REXO1: variants seen among roughly 807,000 people sequenced by gnomAD.
REXO1 encodes REX1, RNA exonuclease 1 homolog.
A neutral mutation model predicts 102.6 loss-of-function variants in REXO1; 42 were observed. The observed-to-expected ratio is 0.41, with a 90% CI of 0.32 to 0.53. The LOEUF is 0.53. Among genes scored for constraint, REXO1 ranks in the 20% least tolerant of loss-of-function variants. REXO1 has a pLI of 0.27. For missense variants in REXO1, 1,819 were observed against 1,732.5 expected (o/e 1.05, Z -0.89); for synonymous variants, 908 against 779.1 (o/e 1.17, Z -2.76).
At chr19:1,818,177 G>A (rs2145233841) in intron 10 of REXO1, among the ~76,000 whole-genome samples, 1 of 152,340 alleles carries the variant, frequency 6.6e-6, no homozygotes, top group Non-Finnish European at 1.5e-5. Flanking sequence ...TCCGCTCCTG[G>A]GGCCAGCAAC....
At chr19:1,829,312 C>T (rs1453285375) in intron 1 of REXO1, among the ~76,000 whole-genome samples, 1 of 152,030 alleles carries the variant, frequency 6.6e-6, no homozygotes, top group Non-Finnish European at 1.5e-5. Flanking sequence ...GATCTTGGCT[C>T]ACCGCAGCCT....
chr19:1,839,338 T>C (rs2011197453), intron 1 of REXO1, among the ~76,000 whole-genome samples: 2 of 151,020 alleles, frequency 1.3e-5, no homozygotes, highest in Admixed American at 6.6e-5. Context: ...TCCCAGTGGG[T>C]GTTTCTGGGA....
At chr19:1,823,481 G>GA (rs1425267103) in intron 4 of REXO1, 91 bp downstream of exon 4, 1 of 905,420 alleles carries the variant, frequency 1.1e-6, no homozygotes, top group African/African-American at 1.7e-5. Flanking sequence ...AGCACCATGT[G>GA]GTTCAGGTGA....
In REXO1 at chr19:1,828,013, G is replaced by A. The variant is rs1371455193; in HGVS notation, c.776C>T (p.Pro259Leu). 1 of 1,612,660 alleles carries A rather than the reference G, an allele frequency of 6.2e-7. No individual in the cohort carries two copies. ...SSRDERAAKRPRGSRGSEPYT... is the reference protein window; with the variant it reads ...SSRDERAAKRLRGSRGSEPYT... ...GGGCTCACTGCCGCGGGAGCCCCGG[G>A]GCCGCTTGGCGGCCCGCTCATCCCG... The change falls in exon 2 of 16, where the codon CCC becomes CTC. Residue 259 changes from proline to leucine, a missense_variant. By Grantham distance (98) the Pro-to-Leu change is moderately conservative. Coordinates refer to ENST00000170168, the MANE Select transcript of REXO1 (RefSeq NM_020695.4).
intron 12 of REXO1, 82 bp from the exon 13 acceptor site, chr19:1,816,895 A>C (rs1215409103): frequency 9.4e-7 from 1 of 1,059,620 alleles, no homozygotes. Flanking sequence ...GAGTCTCCAG[A>C]GCCCCTCCAG....
At chr19:1,820,722 G>A (rs1245116150) in intron 5 of REXO1, among the ~76,000 whole-genome samples, 1 of 152,244 alleles carries the variant, frequency 6.6e-6, no homozygotes, top group Non-Finnish European at 1.5e-5. Context: ...GCCAAGCGTG[G>A]TGGCTCACGC....
intron 10 of REXO1, among the ~76,000 whole-genome samples, chr19:1,818,121 C>T (rs886084660): frequency 3.3e-5 from 5 of 152,172 alleles, no homozygotes; most frequent in African/African-American, 4.8e-5. Context: ...GCGTGGTTGC[C>T]TGGGGGATTG....
At chr19:1,843,593 T>C (rs947039573) in intron 1 of REXO1, among the ~76,000 whole-genome samples, 3 of 152,258 alleles carry the variant, frequency 2.0e-5, no homozygotes, top group South Asian at 2.1e-4. Context: ...GGTGGCCCGA[T>C]TGCCCACCTG....
rs1461466825 is a variant in REXO1 at position 1,822,152 on chromosome 19, C to T, written c.2231-470G>A. On this transcript the variant is annotated intron_variant, in intron 4 of 15. Coordinates refer to ENST00000170168, the MANE Select transcript of REXO1 (RefSeq NM_020695.4). ...AGGGGCTGCTTCGGAGGGCTGGCCA[C>T]GCGGGCAGCTGCAACCTGGGCATGT... The T allele has an allele frequency of 4.7e-5, 17 of 361,410 alleles. No individual in the cohort carries two copies. The Admixed American group carries it at 5.3e-4, about 11-fold the overall frequency. 22.4% of individuals were successfully genotyped at this position (361,410 alleles called of 1,614,324 possible). A position where few individuals can be genotyped will look rare whatever the true frequency, so the allele number is the denominator to read the frequency against.
At position 1,818,758 on chromosome 19, in the gene REXO1, C is replaced by T. The variant is rs2069445463; in HGVS notation, c.2850G>A (p.Glu950=). 1.2e-6 allele frequency: 2 copies of T among 1,610,670 alleles called. No homozygotes were observed. The highest frequency in any genetic ancestry group is 2.2e-5 in the South Asian group (2 of 91,050). The change falls in exon 9 of 16, where the codon GAG becomes GAA. Residue 950 remains glutamate (E), a synonymous_variant. Coordinates refer to ENST00000170168, the MANE Select transcript of REXO1 (RefSeq NM_020695.4). Reference sequence around the variant, plus strand: ...TGAAGATGATTGCGCCCCCGGGCCGCTCTGGGTGCGGGAAGGGGTAGCCGT... The same window carrying T: ...TGAAGATGATTGCGCCCCCGGGCCGTTCTGGGTGCGGGAAGGGGTAGCCGT... The part of the protein sequence containing the change: ...KENGYPFPHP[E]RPGGAIIFTA...
intron 1 of REXO1, among the ~76,000 whole-genome samples, chr19:1,829,760 A>G (rs2069853293): frequency 6.6e-6 from 1 of 152,072 alleles, no homozygotes; most frequent in African/African-American, 2.4e-5. Context: ...GTGAGCCGAG[A>G]TCACACCATT....
Position 1,827,408 on chromosome 19 carries a change from T to C in REXO1, c.1381A>G (p.Thr461Ala), listed in dbSNP as rs750894208. Residue 461 changes from threonine to alanine, a missense_variant, in exon 2 of 16, where the codon ACA becomes GCA. Transcript: ENST00000170168. Reference sequence around the variant, plus strand: ...GCCGCCGGTCGGGAGTCCCCGCTTGTGGGGCTCGGCCGCCGCGCTGGCCGG... The same window carrying C: ...GCCGCCGGTCGGGAGTCCCCGCTTGCGGGGCTCGGCCGCCGCGCTGGCCGG... Reference protein sequence around the residue: ...PDRPARRPSPTSGDSRPAAGR... With the variant: ...PDRPARRPSPASGDSRPAAGR... 2.6e-6 allele frequency: 4 copies of C among 1,544,494 alleles called. No individual in the cohort carries two copies. Among genetic ancestry groups the C allele is most frequent in the East Asian group, 4.6e-5 (2 of 43,566 alleles).
At position 1,827,057 on chromosome 19, in the gene REXO1, G is replaced by C; in HGVS notation, c.1732C>G (p.Pro578Ala). ...KRLKASPPPSPAPSSSSSSSS... is the reference protein window; with the variant it reads ...KRLKASPPPSAAPSSSSSSSS... ...GAGGAGGAGGAGGAGGATGGGGCGG[G>C]GGAGGGGGGCGGGGAGGCCTTGAGC... The change falls in exon 2 of 16, where the codon CCC becomes GCC. Residue 578 changes from proline to alanine, a missense_variant. Transcript: ENST00000170168. The C allele has an allele frequency of 9.8e-7, 1 of 1,020,806 alleles. No individual in the cohort carries two copies. The highest frequency in any genetic ancestry group is 1.5e-6 in the Non-Finnish European group (1 of 668,260). 63.2% of individuals were successfully genotyped at this position (1,020,806 alleles called of 1,614,324 possible). A position where few individuals can be genotyped will look rare whatever the true frequency, so the allele number is the denominator to read the frequency against.
Position 1,827,644 on chromosome 19 carries a change from C to T in REXO1, c.1145G>A (p.Gly382Glu). The part of the protein sequence containing the change: ...KEGKPKKKKT[G>E]APPAPSCKDG... ...TTTGCAGCTGGGGGCAGGTGGGGCC[C>T]CGGTTTTTTTCTTCTTGGGTTTTCC... Residue 382 changes from glycine (G) to glutamate (E), a missense_variant, in exon 2 of 16, where the codon GGG becomes GAG. By Grantham distance (98) the Gly-to-Glu change is moderately conservative (BLOSUM62 -2). Transcript: ENST00000170168. 1 of 1,570,878 alleles carries T rather than the reference C, an allele frequency of 6.4e-7. No individual in the cohort carries two copies.
In REXO1 at chr19:1,827,067, C is replaced by A; in HGVS notation, c.1722G>T (p.Pro574=). The A allele has an allele frequency of 2.7e-6, 3 of 1,105,616 alleles. No individual in the cohort carries two copies. The highest frequency in any genetic ancestry group is 3.8e-6 in the Non-Finnish European group (3 of 790,128). The allele number at this position is 1,105,616 out of a possible 1,614,324, so 68.5% of individuals were successfully genotyped here. A position where few individuals can be genotyped will look rare whatever the true frequency, so the allele number is the denominator to read the frequency against. Reference sequence around the variant, plus strand: ...AGGAGGATGGGGCGGGGGAGGGGGGCGGGGAGGCCTTGAGCCGCTTGGGCG... The same window carrying A: ...AGGAGGATGGGGCGGGGGAGGGGGGAGGGGAGGCCTTGAGCCGCTTGGGCG... ...QGPPKRLKAS[P]PPSPAPSSSS... The change falls in exon 2 of 16, where the codon CCG becomes CCT. Residue 574 remains proline (P), a synonymous_variant. Transcript: ENST00000170168.
At chr19:1,821,121 G>A (rs554008270) in intron 5 of REXO1, among the ~76,000 whole-genome samples, 13 of 152,140 alleles carry the variant, frequency 8.5e-5, no homozygotes, top group Non-Finnish European at 1.6e-4. Flanking sequence ...GCCGAGGCGG[G>A]TGGATCACGA....
chr19:1,823,447 G>T, intron 4 of REXO1, 125 bp downstream of exon 4: 9 of 632,388 alleles, frequency 1.4e-5, no homozygotes, highest in Non-Finnish European at 2.3e-6. Flanking sequence ...CCCAGGGAGG[G>T]GGCCCAAAGT....
chr19:1,828,711 T>C (rs1042927819), intron 1 of REXO1, 80 bp from the exon 2 acceptor site: 2 of 1,456,978 alleles, frequency 1.4e-6, no homozygotes, highest in South Asian at 1.3e-5. Flanking sequence ...GGTCTCAAAC[T>C]GCAGGGAAGG....
intron 15 of REXO1, 34 bp downstream of exon 15, chr19:1,816,191 C>G (rs750340588): frequency 6.4e-7 from 1 of 1,566,220 alleles, no homozygotes; most frequent in Admixed American, 1.9e-5. Flanking sequence ...GGCCCCTGCG[C>G]AGGGACGGCC....
Sources: gnomAD v4.1 joint callset for allele counts (sites outside exome capture counted in the v4.1 genomes callset) on GRCh38, gnomAD v4.1.1 for gene constraint, MANE v1.5 for transcripts, NCBI Gene and HGNC (gene_info 2026-07-23, HGNC 2026-07-21) for gene names.